Variants in SCFD2 observed in about 807,000 individuals in gnomAD.
The protein encoded by SCFD2 is sec1 family domain containing 2.
A neutral mutation model predicts 58.9 loss-of-function variants in SCFD2; 54 were observed. That is an observed-to-expected ratio of 0.92 (90% CI 0.74 to 1.15). The LOEUF is 1.15. Ranked by LOEUF, SCFD2 falls within the 50% of genes most tolerant of loss-of-function variation. The pLI is 0.00. For missense variants in SCFD2, 805 were observed against 836.6 expected, an observed-to-expected ratio of 0.96 and a Z score of 0.47; for synonymous variants, 321 against 335.9, an observed-to-expected ratio of 0.96 and a Z score of 0.49.
At chr4:53,288,525 T>C (rs756333538) in intron 3 of SCFD2, among the ~76,000 whole-genome samples, 8 of 152,120 alleles carry the variant, frequency 5.3e-5, no homozygotes, top group Non-Finnish European at 8.8e-5. Flanking sequence ...CCCCATCAGA[T>C]TACCAGCGAA....
chr4:53,314,562 G>A (rs1265341558), intron 2 of SCFD2, among the ~76,000 whole-genome samples: 1 of 152,090 alleles, frequency 6.6e-6, no homozygotes, highest in Non-Finnish European at 1.5e-5. Context: ...AAGAAACAAG[G>A]ATGACTTCTG....
At chr4:53,156,025 T>C (rs1256602680) in intron 4 of SCFD2, among the ~76,000 whole-genome samples, 1 of 152,210 alleles carries the variant, frequency 6.6e-6, no homozygotes, top group African/African-American at 2.4e-5. Context: ...TCTTTACCAC[T>C]AGGCTATATT....
chr4:53,234,858 G>T (rs1214448590), intron 4 of SCFD2, among the ~76,000 whole-genome samples: 1 of 152,226 alleles, frequency 6.6e-6, no homozygotes, highest in Non-Finnish European at 1.5e-5. Context: ...CTATCACAGA[G>T]ATCCAAAATT....
intron 4 of SCFD2, among the ~76,000 whole-genome samples, chr4:53,178,167 C>T (rs1727406637): frequency 6.6e-6 from 1 of 152,106 alleles, no homozygotes; most frequent in Non-Finnish European, 1.5e-5. Flanking sequence ...AGTAGTGGTT[C>T]TCCCGTCATG....
At chr4:53,086,296 G>A (rs1046974182) in intron 5 of SCFD2, among the ~76,000 whole-genome samples, 1 of 152,144 alleles carries the variant, frequency 6.6e-6, no homozygotes, top group Non-Finnish European at 1.5e-5. Context: ...CAATATCATT[G>A]ATAATCAGAG....
chr4:52,931,153 G>A (rs567456680), intron 5 of SCFD2, among the ~76,000 whole-genome samples: 1 of 152,272 alleles, frequency 6.6e-6, no homozygotes, highest in East Asian at 1.9e-4. Flanking sequence ...AAGGTGGATT[G>A]TTTTTATTCC....
chr4:53,331,167 G>C (rs1488464796), intron 2 of SCFD2, among the ~76,000 whole-genome samples: 2 of 151,720 alleles, frequency 1.3e-5, no homozygotes, highest in African/African-American at 4.8e-5. Context: ...ACACCCCACT[G>C]TCAACATTAG....
At chr4:53,231,276 C>T (rs1334333086) in intron 4 of SCFD2, among the ~76,000 whole-genome samples, 1 of 152,044 alleles carries the variant, frequency 6.6e-6, no homozygotes, top group Non-Finnish European at 1.5e-5. Flanking sequence ...CTTGCTCGTC[C>T]CTACTCACTA....
chr4:52,960,866 T>A (rs1352355815), intron 5 of SCFD2, among the ~76,000 whole-genome samples: 3 of 152,180 alleles, frequency 2.0e-5, no homozygotes, highest in African/African-American at 7.2e-5. Context: ...GTGTAAGATG[T>A]GGTCTCTGCC....
At chr4:53,251,287 C>T (rs1203834466) in intron 4 of SCFD2, among the ~76,000 whole-genome samples, 36 of 152,094 alleles carry the variant, frequency 2.4e-4, no homozygotes, top group Non-Finnish European at 4.4e-4. Flanking sequence ...GATTCACAGC[C>T]GAATTCTACC....
In SCFD2 at chr4:52,993,854, G is replaced by T. The variant is rs530937287; in HGVS notation, c.1562-72984C>A. 2.1e-4 allele frequency among the ~76,000 whole-genome samples: 32 copies of T among 152,352 alleles called. No homozygotes were observed. The South Asian group carries it at 6.2e-3, about 30-fold the overall frequency. On this transcript the variant is annotated intron_variant, in intron 5 of 8. Coordinates refer to ENST00000401642, the MANE Select transcript of SCFD2 (RefSeq NM_152540.4). ...TAGTAATAAATAGCCTCAGAAAAAG[G>T]CTCTGGAGACAGAGGGAAGTGTGGG...
chr4:53,135,613 G>A (rs1284643048), intron 5 of SCFD2, among the ~76,000 whole-genome samples: 11 of 152,078 alleles, frequency 7.2e-5, no homozygotes, highest in African/African-American at 1.9e-4. Context: ...ATGGTGGTAC[G>A]TGCCTGTAGT....
chr4:53,028,446 T>C (rs1722534164), intron 5 of SCFD2, among the ~76,000 whole-genome samples: 1 of 152,196 alleles, frequency 6.6e-6, no homozygotes, highest in Admixed American at 6.5e-5. Context: ...AATCATACTA[T>C]AGTACTCCTT....
chr4:53,217,511 C>T (rs564888837), intron 4 of SCFD2, among the ~76,000 whole-genome samples: 10 of 152,284 alleles, frequency 6.6e-5, no homozygotes, highest in African/African-American at 2.2e-4. Context: ...CTTCCTCCAT[C>T]CCTTTATTTT....
chr4:53,144,948 C>G (rs891712606), intron 5 of SCFD2, among the ~76,000 whole-genome samples: 1 of 152,298 alleles, frequency 6.6e-6, no homozygotes, highest in South Asian at 2.1e-4. Flanking sequence ...AGTGGGCAAG[C>G]AAGCATTACT....
chr4:52,913,872 T>C (rs918848182), intron 6 of SCFD2, among the ~76,000 whole-genome samples: 5 of 152,174 alleles, frequency 3.3e-5, no homozygotes. Flanking sequence ...CGCAGTTCAT[T>C]GGCCATAACT....
At chr4:53,296,369 C>T (rs6554086) in intron 3 of SCFD2, among the ~76,000 whole-genome samples, 89,193 of 151,898 alleles carry the variant, frequency 0.59, 26,372 homozygotes, top group Middle Eastern at 0.66. Context: ...GTCTTGGGAG[C>T]GTGTATGTGT....
At chr4:53,092,726 T>C (rs1724509263) in intron 5 of SCFD2, among the ~76,000 whole-genome samples, 1 of 152,166 alleles carries the variant, frequency 6.6e-6, no homozygotes, top group Non-Finnish European at 1.5e-5. Context: ...GGCCACTTAA[T>C]GTATGATTCC....
At chr4:53,241,866 A>G (rs1729905056) in intron 4 of SCFD2, among the ~76,000 whole-genome samples, 1 of 152,182 alleles carries the variant, frequency 6.6e-6, no homozygotes, top group South Asian at 2.1e-4. Flanking sequence ...TGGCTTTGAA[A>G]AGAGACATGG....
Sources: allele counts gnomAD v4.1 joint callset (sites outside exome capture counted in the v4.1 genomes callset), GRCh38; gene constraint gnomAD v4.1.1; transcripts MANE v1.5; gene names NCBI Gene and HGNC (gene_info 2026-07-23, HGNC 2026-07-21).